The following ENOPH1 variants were observed in gnomAD, a reference collection of about 807,000 sequenced individuals.
ENOPH1 encodes enolase-phosphatase 1, also known as enolase-phosphatase E1.
In ENOPH1, 14 loss-of-function variants were observed where a neutral mutation model predicts 31.1. That is an observed-to-expected ratio of 0.45 (90% confidence interval 0.30 to 0.70). The LOEUF is 0.70. Among genes scored for constraint, ENOPH1 ranks in the 30% least tolerant of loss-of-function variants. The pLI is 0.09. For synonymous variants in ENOPH1, 127 were observed against 123.2 expected, an observed-to-expected ratio of 1.03 and a Z score of -0.21; for missense variants, 243 against 321.5, an observed-to-expected ratio of 0.76 and a Z score of 1.87.
chr4:82,458,859 G>A (rs1347826341), intron 5 of ENOPH1, among the ~76,000 whole-genome samples: 1 of 152,192 alleles, frequency 6.6e-6, no homozygotes, highest in African/African-American at 2.4e-5. Context: ...CTTGAGTACT[G>A]TTTGCTCTGG....
chr4:82,431,454 AT>A (rs1721757610), intron 1 of ENOPH1, among the ~76,000 whole-genome samples: 1 of 152,120 alleles, frequency 6.6e-6, no homozygotes, highest in African/African-American at 2.4e-5. Flanking sequence ...ACAGTGTATT[AT>A]TTTACTCTGT....
At chr4:82,431,890 T>TA (rs898337526) in intron 1 of ENOPH1, among the ~76,000 whole-genome samples, 1 of 150,724 alleles carries the variant, frequency 6.6e-6, no homozygotes, top group South Asian at 2.1e-4. Flanking sequence ...TTTCCATTTT[T>TA]AAAAAAAATT....
Position 82,454,741 on chromosome 4 carries a change from C to G in ENOPH1, c.409C>G (p.Pro137Ala). ...MKAEFFADVV[P>A]AVRKWREAGM... ...CTCTAGGTTCTTTGCAGATGTAGTTCCAGCAGTCAGGAAGTGGAGAGAGGC... is the reference window on the plus strand; with the variant it reads ...CTCTAGGTTCTTTGCAGATGTAGTTGCAGCAGTCAGGAAGTGGAGAGAGGC... The change falls in exon 4 of 6, where the codon CCA (proline) becomes GCA (alanine). Residue 137 changes from proline to alanine, a missense_variant. Pro to Ala is a conservative substitution (Grantham distance 27). Transcript: ENST00000273920. 6.2e-7 allele frequency: 1 copy of G among 1,613,400 alleles called. No individual in the cohort carries two copies. Among genetic ancestry groups the G allele is most frequent in the Non-Finnish European group, 8.5e-7 (1 of 1,179,838 alleles).
chr4:82,447,241 C>T (rs1167764441), intron 1 of ENOPH1, among the ~76,000 whole-genome samples: 1 of 152,182 alleles, frequency 6.6e-6, no homozygotes, highest in Non-Finnish European at 1.5e-5. Flanking sequence ...CTGCCTCGGC[C>T]TCCCAAAGTG....
intron 1 of ENOPH1, among the ~76,000 whole-genome samples, chr4:82,432,068 A>G (rs1721783961): frequency 1.3e-5 from 2 of 152,036 alleles, no homozygotes; most frequent in Admixed American, 1.3e-4. Flanking sequence ...AGGGAGAGCC[A>G]CCATGCCTGG....
intron 5 of ENOPH1, among the ~76,000 whole-genome samples, chr4:82,458,232 C>T (rs529873429): frequency 1.6e-4 from 25 of 152,248 alleles, no homozygotes; most frequent in African/African-American, 4.3e-4. Flanking sequence ...AATGGCTGGG[C>T]GCGGTAACTC....
At chr4:82,442,909 T>C (rs1722077703) in intron 1 of ENOPH1, among the ~76,000 whole-genome samples, 1 of 152,080 alleles carries the variant, frequency 6.6e-6, no homozygotes, top group South Asian at 2.1e-4. Context: ...ACCGTGACCT[T>C]TTCCTCCTGG....
In ENOPH1 at chr4:82,460,011, A is replaced by G; in HGVS notation, c.677A>G (p.His226Arg). ...EASAAEEADV[H>R]VAVVVRPGNA... Reference sequence around the variant, plus strand: ...AGTGCTGCTGAGGAAGCAGATGTGCACGTAGCTGTGGTGGTGAGACCAGGC... The same window carrying G: ...AGTGCTGCTGAGGAAGCAGATGTGCGCGTAGCTGTGGTGGTGAGACCAGGC... Residue 226 changes from histidine to arginine, a missense_variant, in exon 6 of 6, where the codon CAC becomes CGC. His to Arg is a conservative substitution (Grantham distance 29). Transcript: ENST00000273920. The G allele has an allele frequency of 6.2e-7, 1 of 1,614,030 alleles. No individual in the cohort carries two copies. The highest frequency in any genetic ancestry group is 1.7e-4 in the Middle Eastern group (1 of 5,950).
In ENOPH1 at chr4:82,430,873, T is replaced by TAGATATCGAAGGTACCACAACCC; in HGVS notation, c.45_67dup (p.Pro23GlnfsTer13). On this transcript the variant is annotated frameshift_variant, in exon 1 of 6. Coordinates refer to ENST00000273920, the MANE Select transcript of ENOPH1 (RefSeq NM_021204.5). LOFTEE classifies it high-confidence loss of function. ...CCCGCCGAAGTCACCGTGATCCTGT[T>TAGATATCGAAGGTACCACAACCC]AGATATCGAAGGTACCACAACCCCG... is the stretch of plus-strand genomic sequence containing the variant. The TAGATATCGAAGGTACCACAACCC allele has an allele frequency of 6.2e-7, 1 of 1,614,216 alleles. No individual in the cohort carries two copies. The highest frequency in any genetic ancestry group is 1.1e-5 in the South Asian group (1 of 91,086).
chr4:82,448,265 T>TG (rs201976015), intron 2 of ENOPH1, among the ~76,000 whole-genome samples: 2 of 132,136 alleles, frequency 1.5e-5, no homozygotes, highest in African/African-American at 5.0e-5. Context: ...TGTTTTGTTT[T>TG]TTTTGTTTTT....
At chr4:82,451,377 C>A in intron 3 of ENOPH1, 132 bp downstream of exon 3, 1 of 882,290 alleles carries the variant, frequency 1.1e-6, no homozygotes, top group Non-Finnish European at 1.7e-6. Context: ...TTTAGTCTAA[C>A]AAGTGAGCTT....
At chr4:82,446,157 C>T (rs1177322103) in intron 1 of ENOPH1, among the ~76,000 whole-genome samples, 1 of 152,142 alleles carries the variant, frequency 6.6e-6, no homozygotes, top group Non-Finnish European at 1.5e-5. Flanking sequence ...GTGACTCACG[C>T]CTGTAATCCC....
chr4:82,459,695 T>C (rs988256635), intron 5 of ENOPH1, among the ~76,000 whole-genome samples: 1 of 152,266 alleles, frequency 6.6e-6, no homozygotes, highest in Admixed American at 6.5e-5. Context: ...TCCTTCTGCA[T>C]TCATAAGTAC....
chr4:82,435,853 G>A (rs1356910868), intron 1 of ENOPH1, among the ~76,000 whole-genome samples: 2 of 152,112 alleles, frequency 1.3e-5, no homozygotes, highest in East Asian at 3.9e-4. Flanking sequence ...TTCAGTCTAC[G>A]GATTTAGGCT....
chr4:82,443,499 C>G (rs1722095824), intron 1 of ENOPH1, among the ~76,000 whole-genome samples: 1 of 151,746 alleles, frequency 6.6e-6, no homozygotes, highest in South Asian at 2.1e-4. Context: ...GAGGCCGAGG[C>G]TGGCAGATCA....
At chr4:82,443,937 G>A (rs1464910073) in intron 1 of ENOPH1, among the ~76,000 whole-genome samples, 2 of 152,014 alleles carry the variant, frequency 1.3e-5, no homozygotes, top group Admixed American at 6.6e-5. Context: ...GTACAGTGGT[G>A]TGATCTCAGC....
chr4:82,439,643 T>C (rs1399570621), intron 1 of ENOPH1, among the ~76,000 whole-genome samples: 3 of 152,236 alleles, frequency 2.0e-5, no homozygotes, highest in Non-Finnish European at 4.4e-5. Flanking sequence ...TTAACCTTTA[T>C]GTGCCTCTGA....
intron 5 of ENOPH1, among the ~76,000 whole-genome samples, chr4:82,457,860 T>TGTGATCCCA (rs1722531272): frequency 6.6e-6 from 1 of 152,238 alleles, no homozygotes; most frequent in African/African-American, 2.4e-5. Flanking sequence ...TTTAGCCACT[T>TGTGATCCCA]AATTTTTGTA....
intron 5 of ENOPH1, among the ~76,000 whole-genome samples, chr4:82,457,447 G>A (rs1257756181): frequency 1.3e-5 from 2 of 152,190 alleles, no homozygotes; most frequent in Admixed American, 6.5e-5. Flanking sequence ...CCAGGAGGTC[G>A]AGGCCGCAGT....
Sources: allele counts gnomAD v4.1 joint callset (sites outside exome capture counted in the v4.1 genomes callset), GRCh38; gene constraint gnomAD v4.1.1; transcripts MANE v1.5; gene names NCBI Gene and HGNC (gene_info 2026-07-23, HGNC 2026-07-21).